LRRFIP1: variants seen among roughly 807,000 people sequenced by gnomAD.
LRRFIP1 encodes the protein leucine-rich repeat flightless-interacting protein 1.
LRRFIP1 carries 62 observed loss-of-function variants against 104.4 expected under a neutral mutation model. The ratio of observed to expected loss-of-function variants is 0.59; its 90% CI spans 0.48 to 0.73. The LOEUF is 0.73. Among genes scored for constraint, LRRFIP1 ranks in the 30% least tolerant of loss-of-function variants. LRRFIP1 has a pLI of 0.00. For synonymous variants in LRRFIP1, 300 were observed against 299.0 expected (o/e 1.00, Z -0.03); for missense variants, 796 against 824.5 (o/e 0.97, Z 0.42).
intron 1 of LRRFIP1, among the ~76,000 whole-genome samples, chr2:237,647,155 G>A (rs1292865016): frequency 6.6e-6 from 1 of 151,958 alleles, no homozygotes; most frequent in Non-Finnish European, 1.5e-5. Flanking sequence ...AACCCTTTGT[G>A]TTGGGCAGGA....
At chr2:237,633,073 T>A (rs1189265224) in intron 1 of LRRFIP1, among the ~76,000 whole-genome samples, 1 of 152,008 alleles carries the variant, frequency 6.6e-6, no homozygotes, top group African/African-American at 2.4e-5. Context: ...TTGGGAGAGG[T>A]GAGGGGCGTT....
At chr2:237,676,255 A>G (rs2091141938) in intron 1 of LRRFIP1, among the ~76,000 whole-genome samples, 1 of 152,160 alleles carries the variant, frequency 6.6e-6, no homozygotes, top group Admixed American at 6.5e-5. Context: ...TTTTCCAATA[A>G]AAGTTCAAGG....
At chr2:237,640,927 G>T (rs2083865963) in intron 1 of LRRFIP1, among the ~76,000 whole-genome samples, 1 of 152,162 alleles carries the variant, frequency 6.6e-6, no homozygotes, top group Non-Finnish European at 1.5e-5. Context: ...CTGCTGGGAT[G>T]GGACAGGAAG....
At chr2:237,729,190 A>G (rs2004374) in intron 8 of LRRFIP1, among the ~76,000 whole-genome samples, 46,691 of 152,154 alleles carry the variant, frequency 0.31, 8,672 homozygotes, top group African/African-American at 0.52. Flanking sequence ...GCCTCCCAAA[A>G]TGCTGGGATT....
intron 21 of LRRFIP1, 180 bp downstream of exon 21, chr2:237,772,378 G>C (rs1202598902): frequency 1.8e-6 from 1 of 566,692 alleles, no homozygotes; most frequent in Non-Finnish European, 3.1e-6. Flanking sequence ...GTTTCTCTCT[G>C]AGCCTATGAA....
chr2:237,666,978 A>G (rs1575295496), intron 1 of LRRFIP1, among the ~76,000 whole-genome samples: 1 of 139,398 alleles, frequency 7.2e-6, no homozygotes, highest in East Asian at 2.1e-4. Flanking sequence ...TGTTAAATCC[A>G]TATCACAAAG....
intron 1 of LRRFIP1, among the ~76,000 whole-genome samples, chr2:237,685,112 C>A (rs767533143): frequency 6.7e-6 from 1 of 149,782 alleles, no homozygotes; most frequent in African/African-American, 2.5e-5. Flanking sequence ...CTACCCTCCC[C>A]CCCCCACACA....
chr2:237,689,663 G>T (rs1338533938), intron 1 of LRRFIP1, among the ~76,000 whole-genome samples: 1 of 152,158 alleles, frequency 6.6e-6, no homozygotes, highest in Non-Finnish European at 1.5e-5. Flanking sequence ...CAGTCTTGCT[G>T]CCTGGCCCAT....
chr2:237,760,804 C>T (rs1237866166), intron 19 of LRRFIP1, among the ~76,000 whole-genome samples: 1 of 152,178 alleles, frequency 6.6e-6, no homozygotes, highest in Non-Finnish European at 1.5e-5. Context: ...GTATGCCCAC[C>T]TTTGTCAGAG....
chr2:237,761,527 C>G (rs780139873), intron 19 of LRRFIP1, among the ~76,000 whole-genome samples: 2 of 152,184 alleles, frequency 1.3e-5, no homozygotes, highest in Non-Finnish European at 2.9e-5. Flanking sequence ...GTTGTAAGAA[C>G]CAGAAATGTC....
chr2:237,627,744 AGCGCTCCGGGAGGGCAGCCGGG>A lies in LRRFIP1; in HGVS notation c.96+6_96+27del. ...GCTCAACCAGATCGCGCGGGAGGTGAGCGCTCCGGGAGGGCAGCCGGGGGGCGCCGGGCGGGCGCGGGGGCCG... is the reference window on the plus strand; with the variant it reads ...GCTCAACCAGATCGCGCGGGAGGTGAGGGCGCCGGGCGGGCGCGGGGGCCG... On this transcript the variant is annotated splice_donor_5th_base_variant and intron_variant, in intron 1 of 23. Coordinates refer to ENST00000308482, the MANE Select transcript of LRRFIP1 (RefSeq NM_001137550.2). 7.8e-7 allele frequency: 1 copy of A among 1,283,444 alleles called. No individual in the cohort carries two copies. The highest frequency in any genetic ancestry group is 9.9e-7 in the Non-Finnish European group (1 of 1,008,242). 79.5% of individuals were successfully genotyped at this position (1,283,444 alleles called of 1,614,324 possible).
intron 6 of LRRFIP1, chr2:237,721,194 C>T (rs2094526289): frequency 5.4e-6 from 1 of 185,178 alleles, no homozygotes; most frequent in African/African-American, 2.3e-5. Context: ...CACCCATGCT[C>T]CTGGTAAAAT....
At chr2:237,764,116 C>A in intron 19 of LRRFIP1, 1 of 1,614,170 alleles carries the variant, frequency 6.2e-7, no homozygotes. Context: ...AGGGCAAAAG[C>A]AAAGAAGACT....
At chr2:237,765,744 TAAAATC>T (rs2060217348) in intron 19 of LRRFIP1, 1 of 951,868 alleles carries the variant, frequency 1.1e-6, no homozygotes, top group East Asian at 1.2e-4. Flanking sequence ...TTGTAAAATA[TAAAATC>T]ACAAAGGAAT....
chr2:237,731,016 GC>G (rs1309459130), intron 8 of LRRFIP1, among the ~76,000 whole-genome samples: 1 of 152,232 alleles, frequency 6.6e-6, no homozygotes, highest in Non-Finnish European at 1.5e-5. Context: ...AAGGTAAGTA[GC>G]CATTTGAGCA....
At chr2:237,734,273 CTTTTTTT>C (rs71870330) in intron 9 of LRRFIP1, among the ~76,000 whole-genome samples, 167 of 90,230 alleles carry the variant, frequency 1.9e-3, no homozygotes, top group Non-Finnish European at 2.6e-3. Context: ...TGTTAATAAC[CTTTTTTT>C]TTTTTTTTTT....
chr2:237,653,907 G>T (rs146283705), intron 1 of LRRFIP1, among the ~76,000 whole-genome samples: 1 of 152,280 alleles, frequency 6.6e-6, no homozygotes, highest in African/African-American at 2.4e-5. Context: ...ACTAGTAGGA[G>T]AAAACATAAG....
intron 7 of LRRFIP1, 76 bp downstream of exon 7, chr2:237,723,662 G>C: frequency 6.4e-7 from 1 of 1,553,556 alleles, no homozygotes; most frequent in Non-Finnish European, 8.9e-7. Flanking sequence ...GTATTTCCAC[G>C]AATCTCATGG....
intron 1 of LRRFIP1, among the ~76,000 whole-genome samples, chr2:237,685,235 G>A (rs2092277493): frequency 6.6e-6 from 1 of 152,062 alleles, no homozygotes; most frequent in African/African-American, 2.4e-5. Context: ...ACTCTGGTAT[G>A]GACTTAAAAA....
Sources: allele counts gnomAD v4.1 joint callset (sites outside exome capture counted in the v4.1 genomes callset), GRCh38; gene constraint gnomAD v4.1.1; transcripts MANE v1.5; gene names NCBI Gene and HGNC (gene_info 2026-07-23, HGNC 2026-07-21).